The following NGEF variants were observed in gnomAD, a reference collection of about 807,000 sequenced individuals.
NGEF encodes neuronal guanine nucleotide exchange factor.
NGEF carries 31 observed loss-of-function variants against 80.9 expected under a neutral mutation model. The ratio of observed to expected loss-of-function variants is 0.38; its 90% CI spans 0.29 to 0.52. NGEF has a LOEUF of 0.52. Among genes scored for constraint, NGEF ranks in the 20% least tolerant of loss-of-function variants. The pLI is 0.84. For synonymous variants in NGEF, 371 were observed against 370.2 expected (o/e 1.00, Z -0.03); for missense variants, 709 against 926.2 (o/e 0.77, Z 3.04).
At chr2:232,986,942 A>G (rs34946587) in intron 1 of NGEF, among the ~76,000 whole-genome samples, 3 of 152,218 alleles carry the variant, frequency 2.0e-5, no homozygotes, top group Non-Finnish European at 4.4e-5. Flanking sequence ...TCAAAAGACA[A>G]AATTAGAGGG....
chr2:232,999,803 A>G (rs1343081015), intron 1 of NGEF, among the ~76,000 whole-genome samples: 1 of 152,220 alleles, frequency 6.6e-6, no homozygotes, highest in East Asian at 1.9e-4. Context: ...GTTTATGTGC[A>G]GGGGCTGGCA....
At chr2:232,893,519 A>G (rs1691951373) in intron 6 of NGEF, among the ~76,000 whole-genome samples, 2 of 152,200 alleles carry the variant, frequency 1.3e-5, no homozygotes, top group African/African-American at 4.8e-5. Context: ...CACGCCTGTA[A>G]TCCCAGCACT....
At chr2:232,918,628 G>GTTTT (rs752153408) in intron 5 of NGEF, among the ~76,000 whole-genome samples, 2 of 108,046 alleles carry the variant, frequency 1.9e-5, no homozygotes, top group Non-Finnish European at 2.0e-5. Flanking sequence ...TTATTTCTAA[G>GTTTT]TTTTTTTTTT....
intron 1 of NGEF, among the ~76,000 whole-genome samples, chr2:232,982,556 C>G (rs1390217303): frequency 6.6e-6 from 1 of 152,132 alleles, no homozygotes. Flanking sequence ...TCTTGTCACC[C>G]AAGCTGGAGT....
At chr2:232,940,944 CAG>C (rs1693425982) in intron 3 of NGEF, among the ~76,000 whole-genome samples, 1 of 152,268 alleles carries the variant, frequency 6.6e-6, no homozygotes, top group East Asian at 1.9e-4. Context: ...TTCCTCAAGA[CAG>C]GGGAATTGCA....
At chr2:233,008,702 T>C (rs905206239) in intron 1 of NGEF, among the ~76,000 whole-genome samples, 1 of 152,214 alleles carries the variant, frequency 6.6e-6, no homozygotes, top group Admixed American at 6.5e-5. Flanking sequence ...GTAGGAAACA[T>C]ACTCATTAAC....
intron 5 of NGEF, among the ~76,000 whole-genome samples, chr2:232,908,865 C>T (rs1420716966): frequency 6.6e-6 from 1 of 151,948 alleles, no homozygotes; most frequent in African/African-American, 2.4e-5. Context: ...TGACAGCTTT[C>T]TAATTGACTG....
At chr2:232,907,459 T>A (rs1692592761) in intron 5 of NGEF, among the ~76,000 whole-genome samples, 1 of 152,146 alleles carries the variant, frequency 6.6e-6, no homozygotes, top group Non-Finnish European at 1.5e-5. Context: ...GAACATGCAA[T>A]CTGAAGATCC....
At chr2:232,972,500 A>G (rs1165370142) in intron 2 of NGEF, among the ~76,000 whole-genome samples, 2 of 152,146 alleles carry the variant, frequency 1.3e-5, no homozygotes, top group Admixed American at 6.6e-5. Context: ...CCCCTTCTCC[A>G]TCTACACAGG....
chr2:232,932,742 G>A (rs1693243013), intron 3 of NGEF, among the ~76,000 whole-genome samples: 1 of 152,052 alleles, frequency 6.6e-6, no homozygotes, highest in African/African-American at 2.4e-5. Context: ...TCCTGGCTGC[G>A]GACGGCTGAC....
Position 232,974,712 on chromosome 2 carries a change from T to C in NGEF, c.179A>G (p.Lys60Arg). The C allele has an allele frequency of 1.9e-6, 3 of 1,614,260 alleles. No individual in the cohort carries two copies. Among genetic ancestry groups the C allele is most frequent in the Non-Finnish European group, 1.7e-6 (2 of 1,180,034 alleles). ...DKEPHCHIPI[K>R]RNSIFNRSIR... is the part of the protein sequence containing the mutation. ...GGAGCGATTGAAGATGGAATTTCTC[T>C]TAATTGGGATGTGGCAATGAGGCTC... The change falls in exon 2 of 15, where the codon AAG becomes AGG. Residue 60 changes from lysine (K) to arginine (R), a missense_variant. Transcript: ENST00000264051.
At chr2:232,959,579 C>CT (rs10663890) in intron 3 of NGEF, among the ~76,000 whole-genome samples, 8,414 of 139,862 alleles carry the variant, frequency 0.06, 764 homozygotes, top group African/African-American at 0.19. Context: ...CAGCAATGAC[C>CT]TTTTTTTTTT....
At chr2:232,924,555 A>G (rs1168332637) in intron 4 of NGEF, among the ~76,000 whole-genome samples, 2 of 152,276 alleles carry the variant, frequency 1.3e-5, no homozygotes, top group Admixed American at 6.5e-5. Context: ...CCTCCCCAAC[A>G]GACACTTGAA....
intron 3 of NGEF, among the ~76,000 whole-genome samples, chr2:232,935,565 C>A (rs909213517): frequency 6.6e-6 from 1 of 152,030 alleles, no homozygotes; most frequent in Non-Finnish European, 1.5e-5. Context: ...TTACAGTGAG[C>A]GGAGATCACA....
At chr2:232,927,420 C>T (rs1360562915) in intron 3 of NGEF, among the ~76,000 whole-genome samples, 1 of 152,142 alleles carries the variant, frequency 6.6e-6, no homozygotes, top group Non-Finnish European at 1.5e-5. Context: ...CCAGCCCGCC[C>T]AAACCTCCAT....
chr2:232,919,996 CAAT>C (rs1260042065), intron 5 of NGEF, among the ~76,000 whole-genome samples: 13 of 152,338 alleles, frequency 8.5e-5, no homozygotes, highest in Admixed American at 2.6e-4. Flanking sequence ...CGGAAATACA[CAAT>C]GATGATAATG....
chr2:232,915,099 C>T (rs751645499), intron 5 of NGEF, among the ~76,000 whole-genome samples: 3 of 152,084 alleles, frequency 2.0e-5, no homozygotes, highest in Non-Finnish European at 4.4e-5. Flanking sequence ...CCTAAGTAAC[C>T]CCAGACCCTC....
intron 1 of NGEF, among the ~76,000 whole-genome samples, chr2:232,993,180 A>T (rs1359031265): frequency 7.4e-6 from 1 of 134,728 alleles, no homozygotes; most frequent in Non-Finnish European, 1.5e-5. Context: ...ATATATAAAT[A>T]AATATATATA....
rs1255678919 is a variant in NGEF at position 232,942,452 on chromosome 2, G to C, written c.384-15266C>G. On this transcript the variant is annotated intron_variant, in intron 3 of 14. Transcript: ENST00000264051. ...CTTTAGGGATTGTCGGGTTCCTCTC[G>C]GTAAATCGACTGATTTACAGAGACA... 2.0e-5 allele frequency among the ~76,000 whole-genome samples: 3 copies of C among 152,206 alleles called. No homozygotes were observed. The East Asian group carries it at 5.8e-4, about 29-fold the overall frequency.
Sources: allele counts gnomAD v4.1 joint callset (sites outside exome capture counted in the v4.1 genomes callset), GRCh38; gene constraint gnomAD v4.1.1; transcripts MANE v1.5; gene names NCBI Gene and HGNC (gene_info 2026-07-23, HGNC 2026-07-21).